The following CEP128 variants were observed in gnomAD, a reference collection of about 807,000 sequenced individuals.
CEP128 encodes the protein centrosomal protein 128.
A neutral mutation model predicts 156.7 loss-of-function variants in CEP128; 132 were observed. That is an observed-to-expected ratio of 0.84 (90% CI 0.73 to 0.97). CEP128 has a LOEUF of 0.97. Ranked by LOEUF, CEP128 falls within the 50% of genes least tolerant of loss-of-function variation. The pLI is 0.00. For synonymous variants in CEP128, 469 were observed against 448.9 expected, an observed-to-expected ratio of 1.04 and a Z score of -0.57; for missense variants, 1,252 against 1,281.9, an observed-to-expected ratio of 0.98 and a Z score of 0.36.
At chr14:80,636,756 C>T (rs1400758590) in intron 19 of CEP128, among the ~76,000 whole-genome samples, 1 of 152,124 alleles carries the variant, frequency 6.6e-6, no homozygotes, top group African/African-American at 2.4e-5. Context: ...CCATTTTTCC[C>T]CCCAACTCTT....
At chr14:80,828,141 T>TTG (rs1313601597) in intron 13 of CEP128, among the ~76,000 whole-genome samples, 1 of 142,950 alleles carries the variant, frequency 7.0e-6, no homozygotes, top group Non-Finnish European at 1.5e-5. Flanking sequence ...TTTTTTTTTT[T>TTG]GAGATGGAGT....
intron 19 of CEP128, among the ~76,000 whole-genome samples, chr14:80,685,516 T>A (rs1896490151): frequency 1.3e-5 from 2 of 152,162 alleles, no homozygotes; most frequent in Non-Finnish European, 2.9e-5. Context: ...ATGGCCATAC[T>A]GCCCAAATCA....
At chr14:80,616,373 T>C (rs1022594428) in intron 19 of CEP128, among the ~76,000 whole-genome samples, 1 of 152,312 alleles carries the variant, frequency 6.6e-6, no homozygotes, top group East Asian at 1.9e-4. Context: ...TGTCATTATA[T>C]AGAGATGATT....
intron 19 of CEP128, among the ~76,000 whole-genome samples, chr14:80,641,104 G>A (rs930582508): frequency 9.9e-5 from 15 of 152,026 alleles, no homozygotes; most frequent in African/African-American, 3.4e-4. Context: ...GACCCTCTCC[G>A]AGGACCTTAC....
intron 8 of CEP128, among the ~76,000 whole-genome samples, chr14:80,876,103 C>A (rs905030978): frequency 6.6e-6 from 1 of 152,004 alleles, no homozygotes; most frequent in African/African-American, 2.4e-5. Context: ...TATATGAAAT[C>A]TGAAGTCCTA....
chr14:80,775,730 C>A lies in CEP128; in HGVS notation c.2376+2152G>T, dbSNP rs996178261. On this transcript the variant is annotated intron_variant, in intron 16 of 24. Coordinates refer to ENST00000555265, the MANE Select transcript of CEP128 (RefSeq NM_152446.5). Reference sequence around the variant, plus strand: ...CAATATTAAAATAAAATCATTAATTCTTCAAGTTCTGTTCTAAAGTGAATG... The same window carrying A: ...CAATATTAAAATAAAATCATTAATTATTCAAGTTCTGTTCTAAAGTGAATG... 4.6e-5 allele frequency among the ~76,000 whole-genome samples: 7 copies of A among 152,236 alleles called. No individual in the cohort carries two copies. In the East Asian group the frequency reaches 9.6e-4, roughly 21 times the overall value.
At chr14:80,655,759 C>T (rs760435165) in intron 19 of CEP128, among the ~76,000 whole-genome samples, 16 of 152,212 alleles carry the variant, frequency 1.1e-4, no homozygotes, top group Middle Eastern at 6.8e-3. Flanking sequence ...ATCTTTGCCA[C>T]TACTTGGGAG....
intron 21 of CEP128, among the ~76,000 whole-genome samples, chr14:80,547,820 C>T (rs1319279960): frequency 1.0e-4 from 14 of 139,928 alleles, no homozygotes; most frequent in East Asian, 4.2e-4. Flanking sequence ...TTTTTTGAGA[C>T]GGAGCTTCGC....
chr14:80,494,026 G>C (rs574552961), downstream of CEP128, among the ~76,000 whole-genome samples: 1 of 152,120 alleles, frequency 6.6e-6, no homozygotes, highest in East Asian at 1.9e-4. Context: ...TAGATGTGTC[G>C]TGTTTTGTAA....
chr14:80,957,639 A>G (rs1047962112), intron 2 of CEP128, among the ~76,000 whole-genome samples: 1 of 152,226 alleles, frequency 6.6e-6, no homozygotes, highest in African/African-American at 2.4e-5. Flanking sequence ...AGTGAAAAGG[A>G]ACTCGTAGAC....
chr14:80,726,299 T>C (rs1898020473), intron 19 of CEP128, among the ~76,000 whole-genome samples: 1 of 152,172 alleles, frequency 6.6e-6, no homozygotes, highest in Non-Finnish European at 1.5e-5. Context: ...TCAGAGTATT[T>C]ATAGGATTTC....
At chr14:80,656,175 T>A (rs1254944396) in intron 19 of CEP128, among the ~76,000 whole-genome samples, 1 of 150,592 alleles carries the variant, frequency 6.6e-6, no homozygotes. Flanking sequence ...GTTAATTTTC[T>A]ATAAGGATGT....
At chr14:80,696,777 A>G (rs1023710732) in intron 19 of CEP128, among the ~76,000 whole-genome samples, 2 of 152,184 alleles carry the variant, frequency 1.3e-5, no homozygotes, top group African/African-American at 4.8e-5. Flanking sequence ...TAAACAAACA[A>G]ACAAAAAATG....
At chr14:80,505,254 TC>T (rs1167646430) in intron 23 of CEP128, among the ~76,000 whole-genome samples, 3 of 152,216 alleles carry the variant, frequency 2.0e-5, no homozygotes, top group Admixed American at 1.3e-4. Context: ...CCAGTCTTTT[TC>T]CCCCATGAAT....
rs552593436 is a variant in CEP128 at position 80,804,429 on chromosome 14, A to T, written c.1210-11319T>A. ...GGGAAATGCAGTAACATTAAAGCTA[A>T]TAAGTGGTAGACAAGCCAATGATAG... On this transcript the variant is annotated intron_variant, in intron 13 of 24. Transcript: ENST00000555265. 1.3e-4 allele frequency among the ~76,000 whole-genome samples: 20 copies of T among 152,316 alleles called. No individual in the cohort carries two copies. The East Asian group carries it at 3.7e-3, about 28-fold the overall frequency.
intron 18 of CEP128, among the ~76,000 whole-genome samples, chr14:80,755,588 C>T (rs1025098593): frequency 4.6e-5 from 7 of 152,168 alleles, no homozygotes; most frequent in Non-Finnish European, 7.3e-5. Context: ...TTTATGAAAA[C>T]AATTACTGAA....
intron 14 of CEP128, among the ~76,000 whole-genome samples, chr14:80,786,557 T>C (rs1206234278): frequency 1.3e-5 from 2 of 152,098 alleles, no homozygotes; most frequent in Non-Finnish European, 2.9e-5. Flanking sequence ...AGCACAAAGA[T>C]AACATGAGAA....
chr14:80,559,885 A>G (rs1890596232), intron 20 of CEP128, among the ~76,000 whole-genome samples: 1 of 152,190 alleles, frequency 6.6e-6, no homozygotes, highest in Non-Finnish European at 1.5e-5. Flanking sequence ...ATGTTTATAG[A>G]AGGACTGGCT....
intron 21 of CEP128, among the ~76,000 whole-genome samples, chr14:80,538,275 A>G (rs1889577797): frequency 6.6e-6 from 1 of 152,220 alleles, no homozygotes; most frequent in Non-Finnish European, 1.5e-5. Flanking sequence ...AAAGCAGAAA[A>G]AAGCCAAACT....
Sources: allele counts gnomAD v4.1 joint callset (sites outside exome capture counted in the v4.1 genomes callset), GRCh38; gene constraint gnomAD v4.1.1; transcripts MANE v1.5; gene names NCBI Gene and HGNC (gene_info 2026-07-23, HGNC 2026-07-21).